GTF3C1: variants seen among roughly 807,000 people sequenced by gnomAD.
GTF3C1 encodes the protein general transcription factor IIIC subunit 1, also known as general transcription factor 3C polypeptide 1.
GTF3C1 carries 57 observed loss-of-function variants against 226.7 expected under a neutral mutation model. That is an observed-to-expected ratio of 0.25 (90% CI 0.20 to 0.31). The LOEUF is 0.31. Ranked by LOEUF, GTF3C1 falls within the 10% of genes least tolerant of loss-of-function variation. The probability of loss-of-function intolerance (pLI) is 1.00; values close to 1 mark genes in which losing one functional copy is unlikely to be tolerated. For synonymous variants in GTF3C1, 1,090 were observed against 1,084.8 expected (o/e 1.00, Z -0.09); for missense variants, 2,217 against 2,776.1 (o/e 0.80, Z 4.53).
At chr16:27,481,311 G>A (rs1206625183) in intron 26 of GTF3C1, 120 bp from the exon 27 acceptor site, 1 of 792,564 alleles carries the variant, frequency 1.3e-6, no homozygotes, top group Non-Finnish European at 2.1e-6. Flanking sequence ...GAGAACCACT[G>A]ACCAGGTGCC....
In GTF3C1 at chr16:27,533,961, G is replaced by A. The variant is rs189595040; in HGVS notation, c.753-574C>T. The stretch of plus-strand genomic sequence containing the variant: ...GTGGAGGTTGCAGTGAGCCGAGATT[G>A]CACCACTGCATTCCAGCTTGGGTGA... On this transcript the variant is annotated intron_variant, in intron 4 of 36. Coordinates refer to ENST00000356183, the MANE Select transcript of GTF3C1 (RefSeq NM_001520.4). Among the ~76,000 whole-genome samples, 33 of 152,316 alleles carry A rather than the reference G, an allele frequency of 2.2e-4. 1 individual carries two copies. The East Asian group carries it at 6.4e-3, about 29-fold the overall frequency.
In GTF3C1 at chr16:27,538,255, TAGG is replaced by T; in HGVS notation, c.530_532del (p.Ser177del). ...CCGGCCTAGCCGTTCCAGGATGCAG[TAGG>T]AGAAGTCGGGCAGCTTCAGGTCGGG... On this transcript the variant is annotated inframe_deletion, in exon 3 of 37. Transcript: ENST00000356183. 1 of 1,611,394 alleles carries T rather than the reference TAGG, an allele frequency of 6.2e-7. No homozygotes were observed. The highest frequency in any genetic ancestry group is 8.5e-7 in the Non-Finnish European group (1 of 1,177,532).
At chr16:27,479,328 T>C (rs78441295) in intron 27 of GTF3C1, among the ~76,000 whole-genome samples, 3 of 151,554 alleles carry the variant, frequency 2.0e-5, no homozygotes, top group Non-Finnish European at 2.9e-5. Context: ...ATTTTTTTTT[T>C]GAGTTTCATG....
At position 27,495,500 on chromosome 16, in the gene GTF3C1, AAG is replaced by A. The variant is rs771135695; in HGVS notation, c.2351-10_2351-9del. On this transcript the variant is annotated splice_polypyrimidine_tract_variant and intron_variant, in intron 14 of 36. Coordinates refer to ENST00000356183, the MANE Select transcript of GTF3C1 (RefSeq NM_001520.4). ...AACGCCCCAGTCCGGGAACTAAAGC[AAG>A]AGAGGGAGAGGGCGGTGCTTGAAAA... is the stretch of plus-strand genomic sequence containing the variant. The A allele has an allele frequency of 1.3e-4, 208 of 1,611,068 alleles. No homozygotes were observed. In the East Asian group the frequency reaches 3.9e-3, roughly 30 times the overall value.
intron 10 of GTF3C1, 96 bp from the exon 11 acceptor site, chr16:27,503,091 C>A: frequency 1.2e-6 from 1 of 821,116 alleles, no homozygotes; most frequent in South Asian, 1.6e-5. Context: ...CTTCAAGAAA[C>A]TTCTACTCCC....
intron 11 of GTF3C1, 66 bp downstream of exon 11, chr16:27,502,793 T>G: frequency 6.6e-7 from 1 of 1,520,946 alleles, no homozygotes; most frequent in South Asian, 1.2e-5. Context: ...TGGCTTGTGA[T>G]GACCAACTGG....
chr16:27,499,681 T>C (rs2088376141), intron 12 of GTF3C1, among the ~76,000 whole-genome samples: 1 of 152,104 alleles, frequency 6.6e-6, no homozygotes, highest in South Asian at 2.1e-4. Flanking sequence ...TTTGTGGTTT[T>C]GTGAAGCTCA....
chr16:27,510,489 G>A (rs971146987), intron 7 of GTF3C1, among the ~76,000 whole-genome samples: 5 of 152,090 alleles, frequency 3.3e-5, no homozygotes, highest in South Asian at 2.1e-4. Context: ...CTTGGGAGGC[G>A]GAGGCTGCAG....
chr16:27,462,813 A>C lies in GTF3C1; in HGVS notation c.5925-327T>G. 3.1e-6 allele frequency: 1 copy of C among 319,562 alleles called. No homozygotes were observed. The allele number at this position is 319,562 out of a possible 1,614,324, so 19.8% of individuals were successfully genotyped here. On this transcript the variant is annotated intron_variant, in intron 35 of 36. Coordinates refer to ENST00000356183, the MANE Select transcript of GTF3C1 (RefSeq NM_001520.4). The surrounding 1 kb of genome is among the most constrained non-coding windows in gnomAD (Gnocchi z 4.5). ...AGCTCTACTGGCAGCCCAGGCAGAAACCACCTCCAGGCTGTGGCAAAACTC... is the reference window on the plus strand; with the variant it reads ...AGCTCTACTGGCAGCCCAGGCAGAACCCACCTCCAGGCTGTGGCAAAACTC...
chr16:27,519,481 A>G (rs985614599), intron 6 of GTF3C1, among the ~76,000 whole-genome samples: 1 of 152,092 alleles, frequency 6.6e-6, no homozygotes, highest in African/African-American at 2.4e-5. Flanking sequence ...TTTTACCTTT[A>G]GCCAGTGTCC....
At chr16:27,526,208 T>C (rs1182881603) in intron 6 of GTF3C1, among the ~76,000 whole-genome samples, 1 of 152,202 alleles carries the variant, frequency 6.6e-6, no homozygotes, top group Admixed American at 6.5e-5. Flanking sequence ...TGGCTGTCAG[T>C]GTTGGAAGAG....
intron 2 of GTF3C1, among the ~76,000 whole-genome samples, chr16:27,545,042 G>A (rs576740890): frequency 1.3e-5 from 2 of 151,322 alleles, no homozygotes; most frequent in African/African-American, 2.4e-5. Flanking sequence ...GCATGACCTC[G>A]GCTCACTGCA....
At chr16:27,473,341 G>A (rs1174469610) in intron 29 of GTF3C1, among the ~76,000 whole-genome samples, 1 of 152,242 alleles carries the variant, frequency 6.6e-6, no homozygotes. Flanking sequence ...CAGCTCAAAG[G>A]ACTGTGCAGT....
chr16:27,536,108 A>G (rs1349081168), intron 4 of GTF3C1, among the ~76,000 whole-genome samples: 1 of 152,274 alleles, frequency 6.6e-6, no homozygotes, highest in Non-Finnish European at 1.5e-5. Context: ...AACTTATGGT[A>G]TCAATAAATA....
In GTF3C1 at chr16:27,469,052, C is replaced by T. The variant is rs111610918; in HGVS notation, c.5074+239G>A. Among the ~76,000 whole-genome samples the T allele has an allele frequency of 0.01, 1,599 of 152,330 alleles. 28 individuals carry two copies. The highest frequency in any genetic ancestry group is 0.036 in the African/African-American group (1,517 of 41,578). On this transcript the variant is annotated intron_variant, in intron 32 of 36. Transcript: ENST00000356183. The surrounding 1 kb of genome is among the most constrained non-coding windows in gnomAD (Gnocchi z 4.5). ...TGAGTGACTGCTGGTGCCTGCAGCA[C>T]AGCTGTGACTAAAAGAGGCGGTGCG...
chr16:27,516,399 A>T (rs770674309), intron 6 of GTF3C1, among the ~76,000 whole-genome samples: 16 of 152,208 alleles, frequency 1.1e-4, no homozygotes, highest in Non-Finnish European at 2.1e-4. Flanking sequence ...GCCCAGCGTG[A>T]GGCGGCTGTG....
At chr16:27,474,232 G>A (rs979220719) in intron 29 of GTF3C1, among the ~76,000 whole-genome samples, 2 of 152,236 alleles carry the variant, frequency 1.3e-5, no homozygotes, top group African/African-American at 2.4e-5. Context: ...TACGCAGGCC[G>A]GTGGTCTTTC....
At chr16:27,523,448 T>G (rs1219518686) in intron 6 of GTF3C1, among the ~76,000 whole-genome samples, 1 of 152,050 alleles carries the variant, frequency 6.6e-6, no homozygotes, top group Non-Finnish European at 1.5e-5. Flanking sequence ...CTTTATTTAT[T>G]ATTTGAGCTT....
At chr16:27,482,210 G>A (rs978290614) in intron 26 of GTF3C1, among the ~76,000 whole-genome samples, 1 of 152,182 alleles carries the variant, frequency 6.6e-6, no homozygotes, top group African/African-American at 2.4e-5. Flanking sequence ...GCAACCAGGG[G>A]GTGACTGGCA....
Sources: gnomAD v4.1 joint callset for allele counts (sites outside exome capture counted in the v4.1 genomes callset) on GRCh38, gnomAD v4.1.1 for gene constraint, Gnocchi (gnomAD v3.1) non-coding constraint, MANE v1.5 for transcripts, NCBI Gene and HGNC (gene_info 2026-07-23, HGNC 2026-07-21) for gene names.